The following PHYH variants were observed in gnomAD, a reference collection of about 807,000 sequenced individuals.
PHYH encodes phytanoyl-CoA 2-hydroxylase, also known as phytanoyl-CoA dioxygenase, peroxisomal.
PHYH carries 32 observed loss-of-function variants against 38.5 expected under a neutral mutation model. The observed-to-expected ratio is 0.83, with a 90% CI of 0.63 to 1.12. The LOEUF (loss-of-function observed/expected upper bound fraction) is 1.12, where lower values mean the gene tolerates loss of function less well. Among genes scored for constraint, PHYH ranks in the 50% most tolerant of loss-of-function variants. The probability of loss-of-function intolerance (pLI) is 0.00; values close to 1 mark genes in which losing one functional copy is unlikely to be tolerated. For missense variants in PHYH, 426 were observed against 434.8 expected, an observed-to-expected ratio of 0.98 and a Z score of 0.18; for synonymous variants, 166 against 157.9, an observed-to-expected ratio of 1.05 and a Z score of -0.38.
rs372122627 is a variant in PHYH, at chr10:13,294,405, G to T, written c.414+23C>A. 6.8e-6 allele frequency: 11 copies of T among 1,612,320 alleles called. No individual in the cohort carries two copies. In the Admixed American group the frequency reaches 1.5e-4, roughly 22 times the overall value. ...CATACACACTGGCAATTAAGCCGAC[G>T]CAAAGCAAGGGTGGTCTCTGACCTC... On this transcript the variant is annotated intron_variant, in intron 4 of 8. Transcript: ENST00000263038.
At chr10:13,279,285 A>AC in intron 8 of PHYH, among the ~76,000 whole-genome samples, 1 of 152,338 alleles carries the variant, frequency 6.6e-6, no homozygotes, top group East Asian at 1.9e-4. Flanking sequence ...GGAGTGAGCC[A>AC]CTGCACCTGG....
intron 2 of PHYH, among the ~76,000 whole-genome samples, chr10:13,297,248 C>A (rs1226087441): frequency 1.3e-5 from 2 of 152,088 alleles, no homozygotes; most frequent in Non-Finnish European, 2.9e-5. Context: ...CCAGTTGATG[C>A]ATTCCAAGAA....
chr10:13,278,170 G>T lies in PHYH; in HGVS notation c.*131C>A. ...TGCAAAACTAACTCTATGCAATTAA[G>T]TACCTGATACATGTTTTCTGCTTTT... is the stretch of plus-strand genomic sequence containing the variant. On this transcript the variant is annotated 3_prime_UTR_variant, in exon 9 of 9. Transcript: ENST00000263038. 1 of 713,296 alleles carries T rather than the reference G, an allele frequency of 1.4e-6. No homozygotes were observed. The allele number at this position is 713,296 out of a possible 1,614,324, so 44.2% of individuals were successfully genotyped here.
intron 7 of PHYH, among the ~76,000 whole-genome samples, chr10:13,282,317 G>A (rs1453389743): frequency 2.0e-5 from 3 of 151,896 alleles, no homozygotes; most frequent in Non-Finnish European, 2.9e-5. Flanking sequence ...TGGGCCAGGC[G>A]AGATGGCTCA....
chr10:13,281,136 T>C (rs1393978568), intron 7 of PHYH, 26 bp from the exon 8 acceptor site: 1 of 1,613,720 alleles, frequency 6.2e-7, no homozygotes, highest in Non-Finnish European at 8.5e-7. Flanking sequence ...AAATTGATAT[T>C]GGAGAAAAAC....
At chr10:13,296,273 C>A (rs200255318) in intron 2 of PHYH, among the ~76,000 whole-genome samples, 1 of 56,728 alleles carries the variant, frequency 1.8e-5, no homozygotes, top group Non-Finnish European at 4.6e-5. Context: ...CGCTTTATGT[C>A]ACCAAAACAA....
chr10:13,297,013 T>C (rs1476054883), intron 2 of PHYH, among the ~76,000 whole-genome samples: 2 of 149,266 alleles, frequency 1.3e-5, no homozygotes, highest in South Asian at 2.1e-4. Context: ...ACAATGCTTA[T>C]TATAATAAAA....
At chr10:13,289,385 C>T (rs1439841907) in intron 5 of PHYH, among the ~76,000 whole-genome samples, 3 of 151,744 alleles carry the variant, frequency 2.0e-5, no homozygotes, top group South Asian at 2.1e-4. Context: ...TTAGTAGAGA[C>T]GGGGTTTCAC....
rs201979258 is a variant in PHYH at position 13,288,432 on chromosome 10, G to T, written c.606C>A (p.Asn202Lys). ...AWTAMEHISR[N>K]NGCLVVLPGT... Reference sequence around the variant, plus strand: ...CTGGGAGCACAACCAGACAGCCGTTGTTCCGGCTGATGTGCTCCATCGCCG... The same window carrying T: ...CTGGGAGCACAACCAGACAGCCGTTTTTCCGGCTGATGTGCTCCATCGCCG... The change falls in exon 6 of 9, where the codon AAC (asparagine) becomes AAA (lysine). Residue 202 changes from asparagine (N) to lysine (K), a missense_variant. Asn to Lys is a moderately conservative substitution (Grantham distance 94, BLOSUM62 0). Coordinates refer to ENST00000263038, the MANE Select transcript of PHYH (RefSeq NM_006214.4). 1.7e-4 allele frequency: 267 copies of T among 1,614,218 alleles called. No homozygotes were observed. Among genetic ancestry groups the T allele is most frequent in the Middle Eastern group, 5.0e-4 (3 of 6,048 alleles).
chr10:13,292,805 C>T (rs1046489090), intron 4 of PHYH, among the ~76,000 whole-genome samples: 6 of 151,878 alleles, frequency 4.0e-5, no homozygotes, highest in South Asian at 2.1e-4. Context: ...TGGTGGCACA[C>T]GTCGGTAATC....
At chr10:13,294,046 A>T (rs1481808148) in intron 4 of PHYH, among the ~76,000 whole-genome samples, 1 of 151,918 alleles carries the variant, frequency 6.6e-6, no homozygotes, top group African/African-American at 2.4e-5. Context: ...TACTAAAAAT[A>T]CAAAAATTAG....
intron 5 of PHYH, among the ~76,000 whole-genome samples, 191 bp from the exon 6 acceptor site, chr10:13,288,732 A>C (rs955943130): frequency 1.3e-5 from 2 of 151,828 alleles, no homozygotes; most frequent in African/African-American, 4.8e-5. Context: ...AAAACAAAAC[A>C]ACAAAACAAA....
At chr10:13,291,749 G>T in intron 5 of PHYH, 82 bp downstream of exon 5, 2 of 899,140 alleles carry the variant, frequency 2.2e-6, no homozygotes, top group Non-Finnish European at 3.7e-6. Context: ...AAAATGCTGG[G>T]ATTACAGGCA....
At chr10:13,291,997 C>A (rs1359097959) in intron 4 of PHYH, 85 bp from the exon 5 acceptor site, 2 of 895,512 alleles carry the variant, frequency 2.2e-6, no homozygotes, top group African/African-American at 3.3e-5. Flanking sequence ...TAGCTATCCA[C>A]ACAAGAACCA....
Position 13,300,064 on chromosome 10 carries a change from C to A in PHYH, c.-22G>T. 5.9e-6 allele frequency: 9 copies of A among 1,529,302 alleles called. No individual in the cohort carries two copies. The highest frequency in any genetic ancestry group is 7.9e-6 in the Non-Finnish European group (9 of 1,143,564). 94.7% of individuals were successfully genotyped at this position (1,529,302 alleles called of 1,614,324 possible). On this transcript the variant is annotated 5_prime_UTR_variant, in exon 1 of 9. Transcript: ENST00000263038. ...CCATGGCTGCGGCGCGGGGAACCCC[C>A]ACCCCTCCCGGCCTCTGCCCCATTT...
intron 3 of PHYH, 189 bp downstream of exon 3, chr10:13,295,307 A>G (rs1447959729): frequency 5.2e-6 from 3 of 577,002 alleles, no homozygotes; most frequent in Non-Finnish European, 9.3e-6. Flanking sequence ...CAGCCTACAC[A>G]ACAGAGTGAG....
At chr10:13,298,786 A>ACTAC (rs1832651963) in intron 1 of PHYH, among the ~76,000 whole-genome samples, 2 of 125,890 alleles carry the variant, frequency 1.6e-5, no homozygotes, top group African/African-American at 5.9e-5. Context: ...ACTACTAATA[A>ACTAC]TAATAATACA....
At chr10:13,292,186 T>A (rs941741629) in intron 4 of PHYH, among the ~76,000 whole-genome samples, 1 of 152,160 alleles carries the variant, frequency 6.6e-6, no homozygotes, top group Admixed American at 6.6e-5. Context: ...CGATGAGATA[T>A]TAATATAGCT....
At chr10:13,291,757 GC>G (rs1835715469) in intron 5 of PHYH, 73 bp downstream of exon 5, 1 of 949,982 alleles carries the variant, frequency 1.1e-6, no homozygotes, top group Non-Finnish European at 1.7e-6. Flanking sequence ...GGGATTACAG[GC>G]ATGAGTTACT....
Sources: gnomAD v4.1 joint callset for allele counts (sites outside exome capture counted in the v4.1 genomes callset) on GRCh38, gnomAD v4.1.1 for gene constraint, MANE v1.5 for transcripts, NCBI Gene and HGNC (gene_info 2026-07-23, HGNC 2026-07-21) for gene names.